The following GRK7 variants were observed in gnomAD, a reference collection of about 807,000 sequenced individuals.
The protein encoded by GRK7 is G protein-coupled receptor kinase 7.
A neutral mutation model predicts 34.1 loss-of-function variants in GRK7; 24 were observed. The ratio of observed to expected loss-of-function variants is 0.70; its 90% CI spans 0.51 to 0.99. The LOEUF (loss-of-function observed/expected upper bound fraction) is 0.99, where lower values mean the gene tolerates loss of function less well. GRK7 is among the 50% of genes least tolerant of loss of function. The pLI, the probability that GRK7 is intolerant of heterozygous loss-of-function variation, is 0.00. For missense variants in GRK7, 644 were observed against 707.3 expected, an observed-to-expected ratio of 0.91 and a Z score of 1.02; for synonymous variants, 256 against 279.4, an observed-to-expected ratio of 0.92 and a Z score of 0.84.
At chr3:141,781,721 A>G (rs2084673247) in intron 4 of GRK7, among the ~76,000 whole-genome samples, 1 of 152,188 alleles carries the variant, frequency 6.6e-6, no homozygotes, top group Non-Finnish European at 1.5e-5. Flanking sequence ...GGAAGAAAAC[A>G]AAGGCAACTG....
At chr3:141,771,715 T>G (rs2084617928) in intron 1 of GRK7, among the ~76,000 whole-genome samples, 1 of 152,124 alleles carries the variant, frequency 6.6e-6, no homozygotes, top group Non-Finnish European at 1.5e-5. Context: ...GACTGAGTGT[T>G]GCTTTGTCAC....
In GRK7 at chr3:141,802,366, T is replaced by TCACACACACACACACACA. The variant is rs113029036; in HGVS notation, c.1051-5266_1051-5249dup. 8.5e-3 allele frequency among the ~76,000 whole-genome samples: 1,241 copies of TCACACACACACACACACA among 145,658 alleles called. 10 individuals are homozygous for TCACACACACACACACACA. The highest frequency in any genetic ancestry group is 0.013 in the Admixed American group (193 of 14,490). ...GAAACTCTCTTTCTCTCTTTCTCTG[T>TCACACACACACACACACA]CACACACACACACACACACACACAC... On this transcript the variant is annotated intron_variant, in intron 4 of 5. Coordinates refer to ENST00000682958, the MANE Select transcript of GRK7 (RefSeq NM_139209.3).
At position 141,780,643 on chromosome 3, in the gene GRK7, C is replaced by G. The variant is rs780629570; in HGVS notation, c.882C>G (p.Ile294Met). Residue 294 changes from isoleucine (I) to methionine (M), a missense_variant, in exon 4 of 6, where the codon ATC (isoleucine) becomes ATG (methionine). Transcript: ENST00000682958. ...GTRGLDMSRV[I>M]FYSAQIACGM... Reference sequence around the variant, plus strand: ...GTGGCCTGGACATGAGCCGGGTGATCTTTTACTCGGCCCAGATAGCCTGTG... The same window carrying G: ...GTGGCCTGGACATGAGCCGGGTGATGTTTTACTCGGCCCAGATAGCCTGTG... 1.2e-5 allele frequency: 19 copies of G among 1,614,220 alleles called. No individual in the cohort carries two copies. Among genetic ancestry groups the G allele is most frequent in the East Asian group, 6.7e-5 (3 of 44,878 alleles).
upstream of GRK7, among the ~76,000 whole-genome samples, chr3:141,760,094 T>G (rs1156812998): frequency 1.3e-5 from 2 of 151,350 alleles, no homozygotes; most frequent in African/African-American, 4.9e-5. Context: ...TTGTTGATCC[T>G]TTCAAAAAAC....
At chr3:141,771,249 G>A (rs1025369053) in intron 1 of GRK7, among the ~76,000 whole-genome samples, 1 of 152,020 alleles carries the variant, frequency 6.6e-6, no homozygotes, top group African/African-American at 2.4e-5. Context: ...ATCCATACAT[G>A]GAATACTACT....
At chr3:141,804,283 G>A (rs1019457991) in intron 4 of GRK7, among the ~76,000 whole-genome samples, 1 of 152,090 alleles carries the variant, frequency 6.6e-6, no homozygotes, top group Admixed American at 6.6e-5. Context: ...TCGTGATAGA[G>A]GGAGGCAAAG....
intron 1 of GRK7, among the ~76,000 whole-genome samples, chr3:141,771,920 G>A (rs2107873062): frequency 6.7e-6 from 1 of 148,716 alleles, no homozygotes; most frequent in African/African-American, 2.5e-5. Flanking sequence ...CCTGACCTCA[G>A]GTGATCCACC....
intron 4 of GRK7, among the ~76,000 whole-genome samples, chr3:141,783,972 C>T (rs2084683875): frequency 6.6e-6 from 1 of 152,170 alleles, no homozygotes; most frequent in African/African-American, 2.4e-5. Flanking sequence ...AAGTGCAGCA[C>T]TTCACAGTTT....
At position 141,778,915 on chromosome 3, in the gene GRK7, C is replaced by G; in HGVS notation, c.612+19C>G. Reference sequence around the variant, plus strand: ...TGGGGAGGTAAGTGTCTCCCAGTAGCCAGGCTAGAAGGTGAAGCATAGAGC... The same window carrying G: ...TGGGGAGGTAAGTGTCTCCCAGTAGGCAGGCTAGAAGGTGAAGCATAGAGC... On this transcript the variant is annotated intron_variant, in intron 3 of 5. Transcript: ENST00000682958. This position sits in a 1 kb window ranked among gnomAD's most constrained non-coding sequence, Gnocchi z 4.1. 1 of 1,591,326 alleles carries G rather than the reference C, an allele frequency of 6.3e-7. No individual in the cohort carries two copies. The highest frequency in any genetic ancestry group is 1.2e-5 in the South Asian group (1 of 86,228).
At chr3:141,801,325 AAAAAAAAAAG>A (rs1169999032) in intron 4 of GRK7, among the ~76,000 whole-genome samples, 4 of 151,046 alleles carry the variant, frequency 2.6e-5, no homozygotes, top group African/African-American at 7.3e-5. Context: ...AAAAAAAAAA[AAAAAAAAAAG>A]AAATGCAAAG....
At chr3:141,812,550 G>A (rs1332788224) in intron 5 of GRK7, among the ~76,000 whole-genome samples, 1 of 152,174 alleles carries the variant, frequency 6.6e-6, no homozygotes, top group Non-Finnish European at 1.5e-5. Flanking sequence ...ACATTTCTTG[G>A]GAAAAGGTAT....
At position 141,816,885 on chromosome 3, in the gene GRK7, C is replaced by T; in HGVS notation, c.1497C>T (p.Asp499=). 1 of 1,614,054 alleles carries T rather than the reference C, an allele frequency of 6.2e-7. No homozygotes were observed. The highest frequency in any genetic ancestry group is 8.5e-7 in the Non-Finnish European group (1 of 1,180,012). ...FSEVRGVEFD[D]KDKQFFKNFA... The stretch of plus-strand genomic sequence containing the variant: ...AGGTTCGGGGGGTGGAATTTGATGA[C>T]AAAGATAAGCAGTTCTTCAAAAACT... The change falls in exon 6 of 6, where the codon GAC becomes GAT. Residue 499 remains aspartate, a synonymous_variant. Transcript: ENST00000682958.
chr3:141,762,604 G>A (rs1017059536), upstream of GRK7, among the ~76,000 whole-genome samples: 12 of 151,254 alleles, frequency 7.9e-5, no homozygotes, highest in Non-Finnish European at 1.5e-4. Flanking sequence ...TGGAGCCTAC[G>A]GAGGCAGGCA....
At chr3:141,766,180 T>A (rs2084579944) in intron 1 of GRK7, among the ~76,000 whole-genome samples, 1 of 151,862 alleles carries the variant, frequency 6.6e-6, no homozygotes. Context: ...CTTTTTTTTT[T>A]TGAGATGGAG....
chr3:141,764,807 C>T lies in GRK7; in HGVS notation c.-1146C>T, dbSNP rs2107869593. On this transcript the variant is annotated 5_prime_UTR_variant, in exon 1 of 6. Transcript: ENST00000682958. ...ACAAGACTGAGCTCTTGATCTTCCC[C>T]ACACCCTGCTCCTCCAGAGGATTTC... is the stretch of plus-strand genomic sequence containing the variant. Among the ~76,000 whole-genome samples the T allele has an allele frequency of 6.6e-6, 1 of 152,270 alleles. No homozygotes were observed. Among genetic ancestry groups the T allele is most frequent in the South Asian group, 2.1e-4 (1 of 4,824 alleles).
At chr3:141,757,157 T>C in the GRK7 span, among the ~76,000 whole-genome samples, 1 of 148,020 alleles carries the variant, frequency 6.8e-6, no homozygotes, top group Non-Finnish European at 1.5e-5. Flanking sequence ...CTTTTTTTTT[T>C]TTTTATTATA....
chr3:141,813,493 A>G (rs1247732953), intron 5 of GRK7, among the ~76,000 whole-genome samples: 1 of 152,190 alleles, frequency 6.6e-6, no homozygotes, highest in African/African-American at 2.4e-5. Context: ...AACCTACAAG[A>G]TGTAAACCAC....
At chr3:141,760,443 C>G (rs1577906631), upstream of GRK7, among the ~76,000 whole-genome samples, 3 of 131,374 alleles carry the variant, frequency 2.3e-5, no homozygotes, top group Admixed American at 2.4e-4. Flanking sequence ...GATTCTTAAT[C>G]CTGAGTTCTA....
intron 4 of GRK7, among the ~76,000 whole-genome samples, chr3:141,801,082 G>A (rs113803026): frequency 0.03 from 4,529 of 151,992 alleles, 220 homozygotes; most frequent in African/African-American, 0.1. Context: ...AGGCCGAGGC[G>A]GGCGGATCAC....
Sources: gnomAD v4.1 joint callset for allele counts (sites outside exome capture counted in the v4.1 genomes callset) on GRCh38, gnomAD v4.1.1 for gene constraint, Gnocchi (gnomAD v3.1) non-coding constraint, MANE v1.5 for transcripts, NCBI Gene and HGNC (gene_info 2026-07-23, HGNC 2026-07-21) for gene names.